The following MSI2 variants were observed in gnomAD, a reference collection of about 807,000 sequenced individuals.
MSI2 encodes RNA-binding protein Musashi homolog 2.
In MSI2, 17 loss-of-function variants were observed where a neutral mutation model predicts 45.6. That is an observed-to-expected ratio of 0.37 (90% CI 0.26 to 0.56). The LOEUF (loss-of-function observed/expected upper bound fraction) is 0.56, where lower values mean the gene tolerates loss of function less well. MSI2 is among the 20% of genes least tolerant of loss of function. The pLI is 0.77. For synonymous variants in MSI2, 156 were observed against 158.2 expected, an observed-to-expected ratio of 0.99 and a Z score of 0.11; for missense variants, 293 against 444.2, an observed-to-expected ratio of 0.66 and a Z score of 3.06.
intron 7 of MSI2, among the ~76,000 whole-genome samples, chr17:57,575,955 A>AAAG (rs1287844193): frequency 3.4e-5 from 5 of 148,224 alleles, no homozygotes; most frequent in African/African-American, 5.2e-5. Flanking sequence ...AAAAAAAAAA[A>AAAG]AAAAAAAAAA....
At chr17:57,616,733 T>C (rs1223134998) in intron 9 of MSI2, 4 of 152,216 alleles carry the variant, frequency 2.6e-5, no homozygotes, top group Non-Finnish European at 5.9e-5. Context: ...GTCCCTTTCC[T>C]TAAAAGTATC....
At chr17:57,275,355 A>G (rs1289029381) in intron 5 of MSI2, among the ~76,000 whole-genome samples, 1 of 152,202 alleles carries the variant, frequency 6.6e-6, no homozygotes, top group African/African-American at 2.4e-5. Context: ...AGCCCCAGCT[A>G]GGAGGGAGCG....
At chr17:57,450,020 A>T (rs1476436931) in intron 6 of MSI2, 1 of 152,288 alleles carries the variant, frequency 6.6e-6, no homozygotes, top group South Asian at 2.1e-4. Context: ...GTGAGACTCC[A>T]TCTCAAAAAA....
chr17:57,372,747 G>A (rs1434394072), intron 5 of MSI2, among the ~76,000 whole-genome samples: 3 of 152,020 alleles, frequency 2.0e-5, no homozygotes, highest in African/African-American at 7.2e-5. Flanking sequence ...CCCTATTCAC[G>A]CTTTAAAGGA....
At chr17:57,465,184 G>A (rs573112900) in intron 6 of MSI2, among the ~76,000 whole-genome samples, 2 of 152,236 alleles carry the variant, frequency 1.3e-5, no homozygotes, top group East Asian at 1.9e-4. Context: ...AGCACAGGCC[G>A]GGTGCGGTGG....
chr17:57,472,191 G>A (rs1216340703), intron 6 of MSI2, among the ~76,000 whole-genome samples: 1 of 152,202 alleles, frequency 6.6e-6, no homozygotes, highest in African/African-American at 2.4e-5. Flanking sequence ...AAATTAGGAG[G>A]GGATTATCAT....
intron 11 of MSI2, among the ~76,000 whole-genome samples, chr17:57,669,265 G>A (rs1372703970): frequency 6.6e-6 from 1 of 152,232 alleles, no homozygotes; most frequent in Non-Finnish European, 1.5e-5. Context: ...GCCTTTGGCT[G>A]CCCAGTTGCT....
At chr17:57,613,303 T>C (rs1316277369) in intron 8 of MSI2, among the ~76,000 whole-genome samples, 1 of 152,224 alleles carries the variant, frequency 6.6e-6, no homozygotes. Flanking sequence ...TCAGTGACAT[T>C]TGCTGTTTTC....
At chr17:57,332,940 G>A (rs771077733) in intron 5 of MSI2, among the ~76,000 whole-genome samples, 5 of 152,036 alleles carry the variant, frequency 3.3e-5, no homozygotes, top group East Asian at 1.9e-4. Flanking sequence ...CAGGAGAATC[G>A]CTTGAACCTG....
At chr17:57,501,365 C>T (rs114621246) in intron 6 of MSI2, among the ~76,000 whole-genome samples, 7 of 152,338 alleles carry the variant, frequency 4.6e-5, no homozygotes, top group African/African-American at 1.2e-4. Context: ...CTGCCTCACA[C>T]GCTCAGCCAG....
intron 6 of MSI2, among the ~76,000 whole-genome samples, chr17:57,413,184 C>G (rs543673049): frequency 5.3e-5 from 8 of 152,192 alleles, no homozygotes; most frequent in Non-Finnish European, 7.3e-5. Flanking sequence ...CTCTCTCTCT[C>G]TGTCTGTCTC....
chr17:57,638,534 G>C (rs1451751678), intron 10 of MSI2, among the ~76,000 whole-genome samples: 2 of 152,144 alleles, frequency 1.3e-5, no homozygotes, highest in African/African-American at 4.8e-5. Flanking sequence ...CTTCAGGAAG[G>C]GGTGAAAACT....
intron 11 of MSI2, among the ~76,000 whole-genome samples, chr17:57,669,193 G>A (rs1175495805): frequency 1.3e-5 from 2 of 152,212 alleles, no homozygotes; most frequent in East Asian, 3.8e-4. Context: ...AGTGGGCACT[G>A]CTTTCAGAGG....
At chr17:57,504,950 A>G (rs2086195817) in intron 6 of MSI2, among the ~76,000 whole-genome samples, 1 of 151,594 alleles carries the variant, frequency 6.6e-6, no homozygotes, top group Non-Finnish European at 1.5e-5. Context: ...AAAAAAGAAG[A>G]AAAAGTAAGG....
intron 5 of MSI2, among the ~76,000 whole-genome samples, chr17:57,383,753 C>T (rs1423056954): frequency 6.6e-6 from 1 of 152,234 alleles, no homozygotes; most frequent in African/African-American, 2.4e-5. Context: ...TTGACCACTA[C>T]AAGCATATGG....
chr17:57,453,473 C>G (rs1424197226), intron 6 of MSI2, among the ~76,000 whole-genome samples: 1 of 152,176 alleles, frequency 6.6e-6, no homozygotes, highest in African/African-American at 2.4e-5. Flanking sequence ...ATCCCTAGAA[C>G]TTCCTATGTG....
Position 57,431,511 on chromosome 17 carries a change from G to A in MSI2, c.405+30040G>A, listed in dbSNP as rs549003193. On this transcript the variant is annotated intron_variant, in intron 6 of 13. Transcript: ENST00000284073. The stretch of plus-strand genomic sequence containing the variant: ...AGGCCAGCTGTGTTGTAGCATGGTC[G>A]GTGCGGCATGTCTTTTATATAACCT... Among the ~76,000 whole-genome samples, 8 of 152,246 alleles carry A rather than the reference G, an allele frequency of 5.3e-5. No individual in the cohort carries two copies. In the East Asian group the frequency reaches 9.6e-4, roughly 18 times the overall value.
At chr17:57,398,026 T>TG (rs1280011055) in intron 5 of MSI2, among the ~76,000 whole-genome samples, 4 of 152,158 alleles carry the variant, frequency 2.6e-5, no homozygotes, top group Non-Finnish European at 5.9e-5. Flanking sequence ...AAAGGCCTTT[T>TG]GGGGACTGTG....
rs1039765891 is a variant in MSI2, at chr17:57,437,899, T to C, written c.405+36428T>C. Among the ~76,000 whole-genome samples, 6 of 152,242 alleles carry C rather than the reference T, an allele frequency of 3.9e-5. No individual in the cohort carries two copies. In the East Asian group the frequency reaches 1.2e-3, roughly 29 times the overall value. The stretch of plus-strand genomic sequence containing the variant: ...GAAGGCAACAATGGTCTCACCTTCA[T>C]GGGGCCTAATGTGGTGTGACTGACC... On this transcript the variant is annotated intron_variant, in intron 6 of 13. Transcript: ENST00000284073.
Sources: gnomAD v4.1 joint callset for allele counts (sites outside exome capture counted in the v4.1 genomes callset) on GRCh38, gnomAD v4.1.1 for gene constraint, MANE v1.5 for transcripts, NCBI Gene and HGNC (gene_info 2026-07-23, HGNC 2026-07-21) for gene names.